SENP7: variants seen among roughly 807,000 people sequenced by gnomAD.
SENP7 encodes the protein SUMO specific peptidase 7.
Under a neutral mutation model 141.2 loss-of-function variants are expected in SENP7, and 64 were observed. The ratio of observed to expected loss-of-function variants is 0.45; its 90% CI spans 0.37 to 0.56. The LOEUF is 0.56. Among genes scored for constraint, SENP7 ranks in the 20% least tolerant of loss-of-function variants. The pLI is 0.00. For synonymous variants in SENP7, 382 were observed against 426.4 expected (o/e 0.90, Z 1.28); for missense variants, 1,025 against 1,212.2 (o/e 0.85, Z 2.29).
At chr3:101,348,108 T>G in intron 12 of SENP7, 57 bp from the exon 13 acceptor site, 1 of 1,177,184 alleles carries the variant, frequency 8.5e-7, no homozygotes, top group Non-Finnish European at 1.2e-6. Context: ...AATACACCAC[T>G]TAAACATTAT....
chr3:101,398,032 C>G (rs2061020832), intron 6 of SENP7, among the ~76,000 whole-genome samples: 1 of 152,212 alleles, frequency 6.6e-6, no homozygotes, highest in South Asian at 2.1e-4. Context: ...CTACATTTGT[C>G]AATGGAATTC....
At chr3:101,451,790 T>G (rs2063146711) in intron 4 of SENP7, among the ~76,000 whole-genome samples, 1 of 152,322 alleles carries the variant, frequency 6.6e-6, no homozygotes, top group South Asian at 2.1e-4. Flanking sequence ...GCATTCCCTT[T>G]GAAAACTGGC....
chr3:101,511,871 G>A (rs187164864), intron 1 of SENP7, among the ~76,000 whole-genome samples: 439 of 152,282 alleles, frequency 2.9e-3, no homozygotes, highest in Middle Eastern at 0.01. Flanking sequence ...CCAGGCTGGA[G>A]TGCAGTGGTG....
At chr3:101,388,226 A>T (rs894047675) in intron 6 of SENP7, among the ~76,000 whole-genome samples, 2 of 152,076 alleles carry the variant, frequency 1.3e-5, no homozygotes, top group African/African-American at 4.8e-5. Flanking sequence ...CAACTGTTAG[A>T]AGCCTGGGGG....
At chr3:101,458,701 CATT>C (rs1324961481) in intron 4 of SENP7, 12 of 242,906 alleles carry the variant, frequency 4.9e-5, no homozygotes, top group African/African-American at 1.8e-4. Flanking sequence ...ATTCAATCAT[CATT>C]ATCAGTCTAT....
intron 3 of SENP7, among the ~76,000 whole-genome samples, chr3:101,484,433 AT>A (rs2108053303): frequency 6.6e-6 from 1 of 152,304 alleles, no homozygotes; most frequent in South Asian, 2.1e-4. Context: ...AGAAGCTCTC[AT>A]TGTGGATTTT....
chr3:101,378,558 T>C (rs1252201680), intron 6 of SENP7, among the ~76,000 whole-genome samples: 1 of 151,948 alleles, frequency 6.6e-6, no homozygotes, highest in Non-Finnish European at 1.5e-5. Flanking sequence ...TGAAGAAATG[T>C]GGGACAACTA....
chr3:101,360,786 T>C (rs1191870804), intron 11 of SENP7, among the ~76,000 whole-genome samples: 3 of 152,304 alleles, frequency 2.0e-5, no homozygotes, highest in East Asian at 3.9e-4. Flanking sequence ...TATAAGTGTA[T>C]AGCAAAGGGA....
intron 9 of SENP7, among the ~76,000 whole-genome samples, chr3:101,365,920 TG>T (rs2060027617): frequency 6.6e-6 from 1 of 152,170 alleles, no homozygotes; most frequent in South Asian, 2.1e-4. Context: ...CACTCTAAAT[TG>T]TACTTTTAAG....
At position 101,324,729 on chromosome 3, in the gene SENP7, A is replaced by G. The variant is rs1399959813; in HGVS notation, c.*1214T>C. On this transcript the variant is annotated 3_prime_UTR_variant, in exon 24 of 24. Transcript: ENST00000394095. Reference sequence around the variant, plus strand: ...ACTGCTTTATGTAGTTATAATGTAAATCTAAGAGATGCTTAAAACAGATTA... The same window carrying G: ...ACTGCTTTATGTAGTTATAATGTAAGTCTAAGAGATGCTTAAAACAGATTA... The G allele has an allele frequency of 6.6e-6, 1 of 152,036 alleles. No homozygotes were observed. The highest frequency in any genetic ancestry group is 1.5e-5 in the Non-Finnish European group (1 of 67,944). 9.4% of individuals were successfully genotyped at this position (152,036 alleles called of 1,614,324 possible). A position where few individuals can be genotyped will look rare whatever the true frequency, so the allele number is the denominator to read the frequency against.
chr3:101,463,376 T>TATATATATATACAC (rs1559864913), intron 3 of SENP7, among the ~76,000 whole-genome samples: 6 of 85,274 alleles, frequency 7.0e-5, no homozygotes, highest in African/African-American at 3.3e-4. Flanking sequence ...TATATATATA[T>TATATATATATACAC]ATATATATAT....
intron 4 of SENP7, among the ~76,000 whole-genome samples, chr3:101,449,371 C>T (rs1214844297): frequency 2.0e-5 from 3 of 152,002 alleles, no homozygotes; most frequent in South Asian, 2.1e-4. Context: ...ATACAGAGAA[C>T]GCCACAAAGA....
At chr3:101,461,505 GA>G (rs1418015419) in intron 3 of SENP7, among the ~76,000 whole-genome samples, 1 of 150,348 alleles carries the variant, frequency 6.7e-6, no homozygotes, top group Non-Finnish European at 1.5e-5. Context: ...GAGCAAGAGA[GA>G]AAAAAAATTA....
intron 6 of SENP7, 151 bp from the exon 7 acceptor site, chr3:101,372,277 AGATT>A: frequency 2.4e-6 from 1 of 412,330 alleles, no homozygotes; most frequent in Non-Finnish European, 4.4e-6. Context: ...TATTGAACTC[AGATT>A]TAAGAAATAA....
chr3:101,502,069 A>G (rs564226577), intron 1 of SENP7, among the ~76,000 whole-genome samples: 1 of 152,336 alleles, frequency 6.6e-6, no homozygotes, highest in South Asian at 2.1e-4. Flanking sequence ...TTGGGTAGGC[A>G]AAGATTTTTC....
chr3:101,471,406 A>G (rs1318991150), intron 3 of SENP7, among the ~76,000 whole-genome samples: 9 of 152,230 alleles, frequency 5.9e-5, no homozygotes, highest in Admixed American at 5.9e-4. Context: ...TGGGGAAAGG[A>G]TTCCCTATTT....
At chr3:101,474,091 T>C (rs1198090797) in intron 3 of SENP7, among the ~76,000 whole-genome samples, 1 of 152,166 alleles carries the variant, frequency 6.6e-6, no homozygotes, top group Non-Finnish European at 1.5e-5. Context: ...CATTGGTCAG[T>C]GTGCCTGTAG....
intron 11 of SENP7, among the ~76,000 whole-genome samples, chr3:101,355,560 A>T (rs1323571819): frequency 6.6e-6 from 1 of 152,086 alleles, no homozygotes; most frequent in Non-Finnish European, 1.5e-5. Flanking sequence ...ATTCTGTTTC[A>T]TTGACCTATG....
chr3:101,332,846 G>T lies in SENP7; in HGVS notation c.2497C>A (p.His833Asn). Reference protein sequence around the residue: ...NPNLSMAQRRHKRVRTWTRHI... With the variant: ...NPNLSMAQRRNKRVRTWTRHI... ...CGAGTCCATGTTCTTACTCTTTTAT[G>T]TCTTCTCTGTGCCATTCTGAGAGTA... The change falls in exon 18 of 24, where the codon CAT (histidine) becomes AAT (asparagine). Residue 833 changes from histidine to asparagine, a missense_variant. His to Asn is a moderately conservative substitution (Grantham distance 68). Coordinates refer to ENST00000394095, the MANE Select transcript of SENP7 (RefSeq NM_020654.5). The T allele has an allele frequency of 6.3e-7, 1 of 1,578,562 alleles. No homozygotes were observed.
Sources: gnomAD v4.1 joint callset for allele counts (sites outside exome capture counted in the v4.1 genomes callset) on GRCh38, gnomAD v4.1.1 for gene constraint, MANE v1.5 for transcripts, NCBI Gene and HGNC (gene_info 2026-07-23, HGNC 2026-07-21) for gene names.